CCNY: variants seen among roughly 807,000 people sequenced by gnomAD.
The protein encoded by CCNY is cyclin Y.
CCNY carries 19 observed loss-of-function variants against 42.8 expected under a neutral mutation model. The observed-to-expected ratio is 0.44, with a 90% confidence interval of 0.31 to 0.65. CCNY has a LOEUF of 0.65. CCNY is among the 30% of genes least tolerant of loss of function. CCNY has a pLI of 0.07. For synonymous variants in CCNY, 165 were observed against 162.7 expected, an observed-to-expected ratio of 1.01 and a Z score of -0.11; for missense variants, 370 against 437.3, an observed-to-expected ratio of 0.85 and a Z score of 1.37.
At position 35,253,414 on chromosome 10, in the gene CCNY, A is replaced by AATT. The variant is rs775450185; in HGVS notation, c.-9+2788_-9+2789insATT. 7.3e-3 allele frequency among the ~76,000 whole-genome samples: 649 copies of AATT among 88,984 alleles called. 44 individuals are homozygous for AATT. Among genetic ancestry groups the AATT allele is most frequent in the African/African-American group, 0.014 (294 of 21,170 alleles). 58.4% of individuals were successfully genotyped at this position (88,984 alleles called of 152,430 possible). On this transcript the variant is annotated intron_variant, in intron 3 of 11. Transcript: ENST00000374706. ...ACAGGCATGCACCAGCATGCTCACTATTTTTTTTTTTTTTTTTTTTTTTTT... is the reference window on the plus strand; with the variant it reads ...ACAGGCATGCACCAGCATGCTCACTAATTTTTTTTTTTTTTTTTTTTTTTTTTT...
Position 35,492,999 on chromosome 10 carries a change from G to T in CCNY, c.230-8502G>T, listed in dbSNP as rs556553268. Among the ~76,000 whole-genome samples, 9 of 152,164 alleles carry T rather than the reference G, an allele frequency of 5.9e-5. No homozygotes were observed. The South Asian group carries it at 6.2e-4, about 11-fold the overall frequency. ...AGTCTTCTCTTGAGGTGCATGGGGG[G>T]GGGAGGGCAGGTATCAGGTTTCTTG... On this transcript the variant is annotated intron_variant, in intron 2 of 9. Coordinates refer to ENST00000374704, the MANE Select transcript of CCNY (RefSeq NM_145012.6).
intron 1 of CCNY, among the ~76,000 whole-genome samples, chr10:35,339,317 C>A (rs1203739477): frequency 1.3e-5 from 2 of 152,098 alleles, no homozygotes; most frequent in Non-Finnish European, 2.9e-5. Flanking sequence ...CTGAGAATTG[C>A]TGGCTGGGCA....
At chr10:35,356,731 G>A (rs991592614) in intron 1 of CCNY, among the ~76,000 whole-genome samples, 1 of 152,172 alleles carries the variant, frequency 6.6e-6, no homozygotes, top group Non-Finnish European at 1.5e-5. Flanking sequence ...TTGCTGGGAA[G>A]ATGCAACAAG....
chr10:35,312,555 A>AG (rs1451034448), intron 3 of CCNY, among the ~76,000 whole-genome samples: 4 of 151,820 alleles, frequency 2.6e-5, no homozygotes, highest in Admixed American at 2.0e-4. Flanking sequence ...GTACGATGTG[A>AG]GGGTACCAAG....
chr10:35,525,993 A>G lies in CCNY; in HGVS notation c.395A>G (p.Lys132Arg), dbSNP rs148901670. ...GCTCTTGCAATATATTATCACATCA[A>G]AAACAGGTATGTGGATGGTTGTGTG... ...CVALAIYYHI[K>R]NRDPDGRMLL... is the part of the protein sequence containing the mutation. Residue 132 changes from lysine to arginine, a missense_variant, in exon 5 of 10, where the codon AAA becomes AGA. By Grantham distance (26) the Lys-to-Arg change is conservative. Coordinates refer to ENST00000374704, the MANE Select transcript of CCNY (RefSeq NM_145012.6). The G allele has an allele frequency of 9.3e-6, 15 of 1,611,102 alleles. No homozygotes were observed. The East Asian group carries it at 3.1e-4, about 34-fold the overall frequency.
intron 1 of CCNY, among the ~76,000 whole-genome samples, chr10:35,378,251 C>T (rs951868083): frequency 2.0e-5 from 3 of 152,160 alleles, no homozygotes; most frequent in Non-Finnish European, 2.9e-5. Context: ...TCTAAAATCA[C>T]ATTTGCTAAT....
At chr10:35,410,561 A>G (rs1410954053) in intron 1 of CCNY, among the ~76,000 whole-genome samples, 1 of 152,230 alleles carries the variant, frequency 6.6e-6, no homozygotes, top group African/African-American at 2.4e-5. Context: ...GTTTCTGTGC[A>G]CTGTGGATTG....
chr10:35,250,214 A>T lies in CCNY; in HGVS notation c.-113-308A>T, dbSNP rs559515225. On this transcript the variant is annotated intron_variant, in intron 2 of 11. Transcript: ENST00000374706. Reference sequence around the variant, plus strand: ...ATCTCAAAAAAAAAAAAAAAAAAAGAAGTAGTCGGATGTGGTGGTGGGCTC... The same window carrying T: ...ATCTCAAAAAAAAAAAAAAAAAAAGTAGTAGTCGGATGTGGTGGTGGGCTC... Among the ~76,000 whole-genome samples, 1,207 of 144,114 alleles carry T rather than the reference A, an allele frequency of 8.4e-3. 23 individuals carry two copies. Among genetic ancestry groups the T allele is most frequent in the African/African-American group, 0.029 (1,127 of 38,458 alleles). 94.5% of individuals were successfully genotyped at this position (144,114 alleles called of 152,430 possible). A position where few individuals can be genotyped will look rare whatever the true frequency, so the allele number is the denominator to read the frequency against.
At chr10:35,537,008 C>T (rs1840900163) in intron 7 of CCNY, among the ~76,000 whole-genome samples, 1 of 152,140 alleles carries the variant, frequency 6.6e-6, no homozygotes, top group Admixed American at 6.5e-5. Flanking sequence ...CATCACAGGC[C>T]TGGAGGTCTA....
At chr10:35,527,157 C>T (rs1840669395) in intron 5 of CCNY, among the ~76,000 whole-genome samples, 1 of 152,148 alleles carries the variant, frequency 6.6e-6, no homozygotes, top group African/African-American at 2.4e-5. Context: ...CTTTATGGTG[C>T]TTGAGAATTT....
chr10:35,355,882 G>C (rs768462337), intron 1 of CCNY, among the ~76,000 whole-genome samples: 1 of 151,382 alleles, frequency 6.6e-6, no homozygotes, highest in South Asian at 2.1e-4. Flanking sequence ...CTTATGCCAT[G>C]AACATCTGTC....
At chr10:35,437,040 G>A (rs536935590) in intron 1 of CCNY, among the ~76,000 whole-genome samples, 1 of 152,246 alleles carries the variant, frequency 6.6e-6, no homozygotes, top group South Asian at 2.1e-4. Context: ...TGACAGCAGG[G>A]GAAATGTCAA....
intron 3 of CCNY, among the ~76,000 whole-genome samples, chr10:35,286,414 A>G (rs1835355067): frequency 6.7e-6 from 1 of 149,764 alleles, no homozygotes; most frequent in African/African-American, 2.5e-5. Flanking sequence ...GCTGGAGTCC[A>G]GTGTCATGAT....
Position 35,504,053 on chromosome 10 carries a change from T to C in CCNY, c.264+2518T>C, listed in dbSNP as rs1840166217. Among the ~76,000 whole-genome samples, 3 of 152,216 alleles carry C rather than the reference T, an allele frequency of 2.0e-5. No individual in the cohort carries two copies. In the South Asian group the frequency reaches 6.2e-4, roughly 31 times the overall value. On this transcript the variant is annotated intron_variant, in intron 3 of 9. Coordinates refer to ENST00000374704, the MANE Select transcript of CCNY (RefSeq NM_145012.6). Reference sequence around the variant, plus strand: ...TTTCGCCCTTATTATACCATTTCATTTTTTATTTGCTTTATTGTGAGGGAT... The same window carrying C: ...TTTCGCCCTTATTATACCATTTCATCTTTTATTTGCTTTATTGTGAGGGAT...
chr10:35,293,057 GGTGTGA>G lies in CCNY; in HGVS notation c.-9+42433_-9+42438del, dbSNP rs757883274. Among the ~76,000 whole-genome samples, 274 of 151,070 alleles carry G rather than the reference GGTGTGA, an allele frequency of 1.8e-3. 1 individual carries two copies. Among genetic ancestry groups the G allele is most frequent in the Non-Finnish European group, 3.5e-3 (238 of 67,708 alleles). On this transcript the variant is annotated intron_variant, in intron 3 of 11. Transcript: ENST00000374706. ...GGCCTCCCAAAGTGCTGAGATTACA[GGTGTGA>G]GCCACCGTGCCCGGCCTGTTATCCT...
At chr10:35,462,099 C>T (rs1231113904) in intron 1 of CCNY, among the ~76,000 whole-genome samples, 5 of 152,154 alleles carry the variant, frequency 3.3e-5, no homozygotes, top group Non-Finnish European at 7.3e-5. Flanking sequence ...CTTTACATGT[C>T]AGCCATAAAC....
At chr10:35,377,799 A>G (rs1000598570) in intron 1 of CCNY, among the ~76,000 whole-genome samples, 2 of 152,222 alleles carry the variant, frequency 1.3e-5, no homozygotes, top group South Asian at 2.1e-4. Context: ...AAATCTTCAA[A>G]ACAAAAAATT....
intron 3 of CCNY, among the ~76,000 whole-genome samples, chr10:35,329,198 C>T (rs765126141): frequency 6.6e-6 from 1 of 152,042 alleles, no homozygotes; most frequent in Non-Finnish European, 1.5e-5. Flanking sequence ...CTAGGAATTC[C>T]AATTCTAATG....
At chr10:35,351,356 C>G (rs75858606) in intron 1 of CCNY, among the ~76,000 whole-genome samples, 1,714 of 152,320 alleles carry the variant, frequency 0.011, 25 homozygotes, top group East Asian at 0.056. Context: ...ATTACTTTCT[C>G]TGTATTCTTT....
Sources: gnomAD v4.1 joint callset for allele counts (sites outside exome capture counted in the v4.1 genomes callset) on GRCh38, gnomAD v4.1.1 for gene constraint, MANE v1.5 for transcripts, NCBI Gene and HGNC (gene_info 2026-07-23, HGNC 2026-07-21) for gene names.